Variants in PATL2 observed in about 807,000 individuals in gnomAD.
The protein encoded by PATL2 is PAT1 homolog 2, also known as protein PAT1 homolog 2.
PATL2 carries 73 observed loss-of-function variants against 77.0 expected under a neutral mutation model. The observed-to-expected ratio is 0.95, with a 90% confidence interval of 0.78 to 1.15. The LOEUF (loss-of-function observed/expected upper bound fraction) is 1.15. Ranked by LOEUF, PATL2 falls within the 50% of genes most tolerant of loss-of-function variation. The pLI is 0.00. For missense variants in PATL2, 618 were observed against 655.4 expected, an observed-to-expected ratio of 0.94 and a Z score of 0.62; for synonymous variants, 265 against 257.1, an observed-to-expected ratio of 1.03 and a Z score of -0.29.
At chr15:44,684,742 GA>G (rs1566862393) in intron 3 of PATL2, among the ~76,000 whole-genome samples, 2 of 152,130 alleles carry the variant, frequency 1.3e-5, no homozygotes, top group African/African-American at 2.4e-5. Flanking sequence ...AGGAAATATG[GA>G]GAACACCACG....
At chr15:44,666,292 T>G in intron 17 of PATL2, 100 bp downstream of exon 17, 3 of 1,440,468 alleles carry the variant, frequency 2.1e-6, no homozygotes, top group Non-Finnish European at 2.9e-6. Context: ...CACATGATCC[T>G]TCATGCTCAT....
chr15:44,690,165 G>C (rs1280760654), intron 3 of PATL2, among the ~76,000 whole-genome samples: 4 of 151,974 alleles, frequency 2.6e-5, no homozygotes, highest in African/African-American at 7.2e-5. Context: ...CTCCAGCCTG[G>C]GCAACAAGAG....
At chr15:44,670,396 G>A (rs1296668374) in intron 9 of PATL2, among the ~76,000 whole-genome samples, 1 of 152,102 alleles carries the variant, frequency 6.6e-6, no homozygotes, top group East Asian at 1.9e-4. Flanking sequence ...ATTTCACCAT[G>A]TTGCTCAGGC....
intron 11 of PATL2, 91 bp from the exon 12 acceptor site, chr15:44,669,654 G>A: frequency 6.6e-7 from 1 of 1,516,010 alleles, no homozygotes; most frequent in South Asian, 1.2e-5. Context: ...GAGCTGGAAA[G>A]GCTAGAAACA....
At chr15:44,676,843 G>A in intron 3 of PATL2, 1 of 1,115,672 alleles carries the variant, frequency 9.0e-7, no homozygotes, top group Non-Finnish European at 1.1e-6. Context: ...CGAGTGTGGT[G>A]ATGCCTTGCT....
intron 9 of PATL2, among the ~76,000 whole-genome samples, chr15:44,670,691 G>A (rs886967794): frequency 1.3e-5 from 2 of 152,218 alleles, no homozygotes; most frequent in African/African-American, 2.4e-5. Flanking sequence ...AAAGTGGAGA[G>A]CCAGTGAGCA....
chr15:44,668,195 T>C, intron 15 of PATL2, 147 bp downstream of exon 15: 1 of 1,089,826 alleles, frequency 9.2e-7, no homozygotes, highest in Non-Finnish European at 1.3e-6. Flanking sequence ...TTTAATAAGC[T>C]TCCAGGTGAT....
chr15:44,684,598 G>A (rs1366209896), intron 3 of PATL2, among the ~76,000 whole-genome samples: 1 of 152,052 alleles, frequency 6.6e-6, no homozygotes, highest in Non-Finnish European at 1.5e-5. Flanking sequence ...GCACTATGTG[G>A]AAAAGACCAA....
At chr15:44,699,874 C>T (rs146545212) in intron 3 of PATL2, among the ~76,000 whole-genome samples, 1,923 of 152,182 alleles carry the variant, frequency 0.013, 49 homozygotes, top group African/African-American at 0.045. Context: ...TGTTTTTATG[C>T]CAGTATCATG....
chr15:44,695,586 A>C (rs1647616854), intron 3 of PATL2, among the ~76,000 whole-genome samples: 2 of 152,134 alleles, frequency 1.3e-5, no homozygotes, highest in South Asian at 4.1e-4. Flanking sequence ...CTGAGTATAA[A>C]ATCCAGGGCA....
intron 9 of PATL2, among the ~76,000 whole-genome samples, chr15:44,671,230 C>A (rs1397641917): frequency 6.6e-6 from 1 of 152,196 alleles, no homozygotes; most frequent in Admixed American, 6.5e-5. Context: ...TTGCTCATGC[C>A]TGTAATCTCA....
chr15:44,675,702 G>A lies in PATL2; in HGVS notation c.17-11C>T. On this transcript the variant is annotated splice_polypyrimidine_tract_variant and intron_variant, in intron 4 of 17. Coordinates refer to ENST00000682850, the MANE Select transcript of PATL2 (RefSeq NM_001387263.1). ...AGGTCTTACCTGGCCCTTGGTTTAA[G>A]TGTGGGCCAGAGGAGAAGGTAAGAT... The A allele has an allele frequency of 6.5e-7, 1 of 1,541,460 alleles. No individual in the cohort carries two copies.
chr15:44,683,353 C>G (rs576137930), intron 3 of PATL2, among the ~76,000 whole-genome samples: 1 of 152,348 alleles, frequency 6.6e-6, no homozygotes, highest in Admixed American at 6.5e-5. Flanking sequence ...GAAATTCTCA[C>G]TGCCAGCACA....
chr15:44,704,044 AGTGGTGCG>A (rs2086684733), intron 3 of PATL2, among the ~76,000 whole-genome samples: 1 of 151,776 alleles, frequency 6.6e-6, no homozygotes, highest in African/African-American at 2.4e-5. Context: ...GCTGGAGTGC[AGTGGTGCG>A]ATCTTGGCTC....
At chr15:44,701,172 G>T (rs2086621047) in intron 3 of PATL2, among the ~76,000 whole-genome samples, 1 of 151,748 alleles carries the variant, frequency 6.6e-6, no homozygotes, top group Non-Finnish European at 1.5e-5. Context: ...TTGCAGATGA[G>T]ATGAATAATC....
chr15:44,688,173 G>A (rs1462389646), intron 3 of PATL2, among the ~76,000 whole-genome samples: 1 of 150,510 alleles, frequency 6.6e-6, no homozygotes, highest in African/African-American at 2.5e-5. Flanking sequence ...GTGAACCCGG[G>A]AGGCAGAGCT....
At chr15:44,706,490 C>A (rs2086738645) in intron 3 of PATL2, among the ~76,000 whole-genome samples, 3 of 152,230 alleles carry the variant, frequency 2.0e-5, no homozygotes, top group African/African-American at 7.2e-5. Context: ...AAACTGCTGA[C>A]AACTTAACAC....
chr15:44,669,614 C>G (rs562008287), intron 11 of PATL2, 51 bp from the exon 12 acceptor site: 2 of 1,537,464 alleles, frequency 1.3e-6, no homozygotes, highest in South Asian at 2.4e-5. Context: ...TGCCACAGCC[C>G]TAGCCCAGGC....
chr15:44,671,359 C>T (rs1280980768), intron 9 of PATL2, among the ~76,000 whole-genome samples: 2 of 152,098 alleles, frequency 1.3e-5, no homozygotes, highest in Non-Finnish European at 2.9e-5. Context: ...TATGGTGGTG[C>T]ATGCCTGTGA....
Sources: gnomAD v4.1 joint callset for allele counts (sites outside exome capture counted in the v4.1 genomes callset) on GRCh38, gnomAD v4.1.1 for gene constraint, MANE v1.5 for transcripts, NCBI Gene and HGNC (gene_info 2026-07-23, HGNC 2026-07-21) for gene names.